SUPT16H: variants seen among roughly 807,000 people sequenced by gnomAD.
SUPT16H encodes SPT16 homolog, facilitates chromatin remodeling subunit.
In SUPT16H, 24 loss-of-function variants were observed where a neutral mutation model predicts 136.2. The observed-to-expected ratio is 0.18, with a 90% CI of 0.13 to 0.25. SUPT16H has a LOEUF of 0.25. SUPT16H is among the 10% of genes least tolerant of loss of function. The pLI, the probability that SUPT16H is intolerant of heterozygous loss-of-function variation, is 1.00. For synonymous variants in SUPT16H, 415 were observed against 428.2 expected, an observed-to-expected ratio of 0.97 and a Z score of 0.38; for missense variants, 623 against 1,270.2, an observed-to-expected ratio of 0.49 and a Z score of 7.74.
At position 21,380,741 on chromosome 14, in the gene SUPT16H, A is replaced by C. The variant is rs578235091; in HGVS notation, c.66+3121T>G. Among the ~76,000 whole-genome samples the C allele has an allele frequency of 2.6e-5, 4 of 152,196 alleles. 1 individual carries two copies. The highest frequency in any genetic ancestry group is 9.6e-5 in the African/African-American group (4 of 41,524). ...AGGCAGATGAAGTCAAGGTCCACTC[A>C]TATCAGAATGTCCCAACAGGTAGGT... is the stretch of plus-strand genomic sequence containing the variant. On this transcript the variant is annotated intron_variant, in intron 1 of 25. Transcript: ENST00000216297.
At chr14:21,370,223 G>T in intron 4 of SUPT16H, 113 bp downstream of exon 4, 2 of 1,351,850 alleles carry the variant, frequency 1.5e-6, no homozygotes, top group Non-Finnish European at 2.0e-6. Flanking sequence ...GGGATAAAAT[G>T]TAAACAAACA....
Position 21,357,179 on chromosome 14 carries a change from G to A in SUPT16H, c.2660+18C>T. 5.8e-6 allele frequency: 9 copies of A among 1,551,642 alleles called. No individual in the cohort carries two copies. The highest frequency in any genetic ancestry group is 7.8e-6 in the Non-Finnish European group (9 of 1,147,116). ...GGGCTCATGGGCTAAATGGGAGACT[G>A]ATGGCAGATTTACTTACTTCAACCA... On this transcript the variant is annotated intron_variant, in intron 22 of 25. Coordinates refer to ENST00000216297, the MANE Select transcript of SUPT16H (RefSeq NM_007192.4).
intron 1 of SUPT16H, 30 bp downstream of exon 1, chr14:21,383,832 C>G (rs1594315744): frequency 1.9e-6 from 3 of 1,613,524 alleles, no homozygotes; most frequent in Non-Finnish European, 2.5e-6. Context: ...TAAGGGGGCT[C>G]CCTAGGAAAA....
At chr14:21,375,293 G>A (rs1407446686) in intron 1 of SUPT16H, among the ~76,000 whole-genome samples, 1 of 152,094 alleles carries the variant, frequency 6.6e-6, no homozygotes, top group African/African-American at 2.4e-5. Flanking sequence ...GGGATTACAG[G>A]CATGAGCCAC....
At chr14:21,358,481 C>T in intron 19 of SUPT16H, 54 bp from the exon 20 acceptor site, 5 of 1,310,430 alleles carry the variant, frequency 3.8e-6, no homozygotes, top group Non-Finnish European at 5.4e-6. Flanking sequence ...ACAGTACCTC[C>T]CCTCAAAAAG....
intron 1 of SUPT16H, among the ~76,000 whole-genome samples, chr14:21,375,460 G>A (rs769540749): frequency 7.9e-5 from 12 of 151,150 alleles, no homozygotes; most frequent in Non-Finnish European, 1.8e-4. Context: ...TTATTATTGA[G>A]CTGTAAGAGT....
At chr14:21,360,301 T>C (rs898663081) in intron 18 of SUPT16H, 114 bp downstream of exon 18, 12 of 770,680 alleles carry the variant, frequency 1.6e-5, no homozygotes, top group Non-Finnish European at 2.5e-5. Flanking sequence ...GTGCTGGGAT[T>C]GTGGGCATGA....
intron 17 of SUPT16H, among the ~76,000 whole-genome samples, 155 bp from the exon 18 acceptor site, chr14:21,360,688 T>TC (rs1886532516): frequency 6.6e-6 from 1 of 152,176 alleles, no homozygotes; most frequent in Non-Finnish European, 1.5e-5. Flanking sequence ...GTAAGTAGAT[T>TC]CCTCCCAGCA....
At position 21,361,201 on chromosome 14, in the gene SUPT16H, T is replaced by C. The variant is rs1886544034; in HGVS notation, c.1806A>G (p.Ala602=). 1.2e-6 allele frequency: 2 copies of C among 1,614,038 alleles called. No individual in the cohort carries two copies. Among genetic ancestry groups the C allele is most frequent in the African/African-American group, 1.3e-5 (1 of 75,028 alleles). ...GTTCTCCGGGTGCCTTAATATTTGA[T>C]GCTCGGTATGTACTGCAGAAAAGCA... ...ATFVKEITYR[A]SNIKAPGEQT... The change falls in exon 16 of 26, where the codon GCA becomes GCG. Residue 602 remains alanine (A), a synonymous_variant. Transcript: ENST00000216297.
chr14:21,357,560 C>T (rs1250463927), intron 21 of SUPT16H, among the ~76,000 whole-genome samples, 194 bp from the exon 22 acceptor site: 1 of 151,290 alleles, frequency 6.6e-6, no homozygotes, highest in Admixed American at 6.6e-5. Flanking sequence ...CAAAAATCAT[C>T]CCTCAAGGAG....
chr14:21,371,328 G>C (rs901123703), intron 3 of SUPT16H, among the ~76,000 whole-genome samples: 1 of 152,032 alleles, frequency 6.6e-6, no homozygotes, highest in Admixed American at 6.6e-5. Context: ...ACGTTGCCCA[G>C]GCTGGTCTCA....
Position 21,373,511 on chromosome 14 carries a change from G to A in SUPT16H, c.67-81C>T, listed in dbSNP as rs144928957. ...AGCCTTCAATATTTATCTAGGACAG[G>A]CATAATTTTCTCCTGATAGAAATTT... On this transcript the variant is annotated intron_variant, in intron 1 of 25. Coordinates refer to ENST00000216297, the MANE Select transcript of SUPT16H (RefSeq NM_007192.4). 4.0e-4 allele frequency: 418 copies of A among 1,044,258 alleles called. 1 individual carries two copies. The African/African-American group carries it at 5.1e-3, about 13-fold the overall frequency. The allele number at this position is 1,044,258 out of a possible 1,614,324, so 64.7% of individuals were successfully genotyped here. A position where few individuals can be genotyped will look rare whatever the true frequency, so the allele number is the denominator to read the frequency against.
At chr14:21,368,554 G>A in intron 6 of SUPT16H, 113 bp from the exon 7 acceptor site, 1 of 1,196,622 alleles carries the variant, frequency 8.4e-7, no homozygotes, top group Non-Finnish European at 1.1e-6. Flanking sequence ...TCCCAAAGCT[G>A]TGGCTGAATA....
chr14:21,362,505 G>A (rs1886578027), intron 14 of SUPT16H, among the ~76,000 whole-genome samples, 181 bp from the exon 15 acceptor site: 1 of 152,110 alleles, frequency 6.6e-6, no homozygotes, highest in Admixed American at 6.5e-5. Context: ...AAAAATCTCT[G>A]AATTCTCAAA....
chr14:21,374,423 G>T (rs1260887391), intron 1 of SUPT16H, among the ~76,000 whole-genome samples: 2 of 152,206 alleles, frequency 1.3e-5, no homozygotes, highest in African/African-American at 4.8e-5. Context: ...ATGATTTTTA[G>T]CAGAATTATG....
intron 5 of SUPT16H, 136 bp downstream of exon 5, chr14:21,369,614 G>A: frequency 1.7e-6 from 2 of 1,180,856 alleles, no homozygotes; most frequent in South Asian, 3.0e-5. Flanking sequence ...TTTTGAAAGG[G>A]AGATGATGTA....
intron 1 of SUPT16H, among the ~76,000 whole-genome samples, chr14:21,380,422 G>A (rs1886998940): frequency 6.7e-6 from 1 of 150,366 alleles, no homozygotes; most frequent in South Asian, 2.1e-4. Flanking sequence ...ACAGGCATAA[G>A]CTACTATGTA....
intron 1 of SUPT16H, chr14:21,383,306 C>T (rs975464135): frequency 5.8e-6 from 2 of 345,400 alleles, no homozygotes; most frequent in Non-Finnish European, 1.1e-5. Context: ...TTAGGTCCCT[C>T]TCTGTAACCC....
chr14:21,356,225 T>C (rs1379608625), intron 22 of SUPT16H, among the ~76,000 whole-genome samples: 5 of 100,012 alleles, frequency 5.0e-5, no homozygotes, highest in South Asian at 6.1e-4. Context: ...CTCAAGTCTT[T>C]GGTGGAGGGA....
Sources: gnomAD v4.1 joint callset for allele counts (sites outside exome capture counted in the v4.1 genomes callset) on GRCh38, gnomAD v4.1.1 for gene constraint, MANE v1.5 for transcripts, NCBI Gene and HGNC (gene_info 2026-07-23, HGNC 2026-07-21) for gene names.